The following TRIM2 variants were observed in gnomAD, a reference collection of about 807,000 sequenced individuals.
TRIM2 encodes tripartite motif-containing protein 2.
TRIM2 carries 20 observed loss-of-function variants against 75.2 expected under a neutral mutation model. The ratio of observed to expected loss-of-function variants is 0.27; its 90% CI spans 0.19 to 0.39. TRIM2 has a LOEUF of 0.39. Ranked by LOEUF, TRIM2 falls within the 10% of genes least tolerant of loss-of-function variation. TRIM2 has a pLI of 1.00. For synonymous variants in TRIM2, 373 were observed against 388.3 expected (o/e 0.96, Z 0.46); for missense variants, 660 against 990.8 (o/e 0.67, Z 4.48).
At chr4:153,254,957 G>A (rs10021866) in intron 1 of TRIM2, among the ~76,000 whole-genome samples, 4 of 151,856 alleles carry the variant, frequency 2.6e-5, no homozygotes, top group Admixed American at 1.3e-4. Context: ...GGTATTACTC[G>A]CTGGTCCCAT....
intron 2 of TRIM2, among the ~76,000 whole-genome samples, chr4:153,270,918 A>G (rs1313550001): frequency 1.3e-5 from 2 of 152,228 alleles, no homozygotes; most frequent in Non-Finnish European, 2.9e-5. Context: ...ATCTGCATAC[A>G]TGAGTTGTTA....
chr4:153,229,959 A>C (rs1380614559), intron 1 of TRIM2, among the ~76,000 whole-genome samples: 2 of 152,180 alleles, frequency 1.3e-5, no homozygotes, highest in Non-Finnish European at 2.9e-5. Flanking sequence ...TTAGTCTTCA[A>C]TCTTCCTTAT....
At chr4:153,261,287 G>T (rs1753515463) in intron 1 of TRIM2, among the ~76,000 whole-genome samples, 1 of 152,192 alleles carries the variant, frequency 6.6e-6, no homozygotes, top group African/African-American at 2.4e-5. Context: ...GCTGGTTGTG[G>T]TGGGGTACAC....
intron 1 of TRIM2, among the ~76,000 whole-genome samples, chr4:153,252,891 A>G (rs1393095667): frequency 6.6e-6 from 1 of 152,238 alleles, no homozygotes; most frequent in East Asian, 1.9e-4. Context: ...TAATTCTGAG[A>G]TGAACTTTCA....
upstream of TRIM2, among the ~76,000 whole-genome samples, chr4:153,152,766 G>T (rs924449643): frequency 6.6e-5 from 10 of 152,222 alleles, no homozygotes; most frequent in African/African-American, 2.4e-4. Context: ...ATAGGGACGA[G>T]TGTTGCTGCG....
At chr4:153,267,734 T>TTTCC (rs1031596545) in intron 1 of TRIM2, among the ~76,000 whole-genome samples, 8 of 151,160 alleles carry the variant, frequency 5.3e-5, no homozygotes, top group South Asian at 2.1e-4. Context: ...ACCTCTTTTC[T>TTTCC]TTCCTTCCTT....
At position 153,273,270 on chromosome 4, in the gene TRIM2, C is replaced by CTTTTTTTTT. The variant is rs72414117; in HGVS notation, c.216-2608_216-2600dup. ...ACTCAGTGAGCACCTTACAGTCACTCTTTTTTTTTTTTTTTTTTTTTTTGA... is the reference window on the plus strand; with the variant it reads ...ACTCAGTGAGCACCTTACAGTCACTCTTTTTTTTTTTTTTTTTTTTTTTTTTTTTTTTGA... On this transcript the variant is annotated intron_variant, in intron 2 of 11. Transcript: ENST00000338700. Among the ~76,000 whole-genome samples the CTTTTTTTTT allele has an allele frequency of 6.3e-4, 36 of 57,384 alleles. 3 individuals carry two copies. The highest frequency in any genetic ancestry group is 2.3e-3 in the African/African-American group (33 of 14,306). The allele number at this position is 57,384 out of a possible 152,430, so 37.6% of individuals were successfully genotyped here. A position where few individuals can be genotyped will look rare whatever the true frequency, so the allele number is the denominator to read the frequency against.
intron 8 of TRIM2, among the ~76,000 whole-genome samples, chr4:153,319,395 T>C (rs966090720): frequency 2.0e-5 from 3 of 152,124 alleles, no homozygotes; most frequent in Non-Finnish European, 4.4e-5. Flanking sequence ...ATTTGTTGAG[T>C]TAAATACCCT....
chr4:153,157,470 A>G (rs928715537), intron 1 of TRIM2, among the ~76,000 whole-genome samples: 5 of 152,184 alleles, frequency 3.3e-5, no homozygotes, highest in Admixed American at 2.6e-4. Context: ...AGTAAGATCC[A>G]GCTGTTTGGT....
intron 5 of TRIM2, 89 bp downstream of exon 5, chr4:153,294,574 T>C: frequency 7.5e-7 from 1 of 1,340,832 alleles, no homozygotes. Flanking sequence ...CAAGGGGTCC[T>C]TAAGTGTCAT....
intron 6 of TRIM2, among the ~76,000 whole-genome samples, chr4:153,312,707 G>A (rs552466533): frequency 9.2e-5 from 14 of 152,222 alleles, no homozygotes; most frequent in Admixed American, 4.6e-4. Context: ...CCATTACTGG[G>A]TATATATCCA....
chr4:153,191,458 T>C (rs1733181534), intron 1 of TRIM2, among the ~76,000 whole-genome samples: 1 of 152,248 alleles, frequency 6.6e-6, no homozygotes, highest in Non-Finnish European at 1.5e-5. Context: ...AGTGGATGCT[T>C]AAAAATGCAA....
intron 1 of TRIM2, among the ~76,000 whole-genome samples, chr4:153,266,145 CA>C (rs1437547405): frequency 2.0e-5 from 3 of 152,104 alleles, no homozygotes; most frequent in African/African-American, 7.2e-5. Context: ...AGGTGCTTCA[CA>C]AGGTTCTATA....
At chr4:153,161,552 G>A (rs1161608194) in intron 1 of TRIM2, among the ~76,000 whole-genome samples, 1 of 152,202 alleles carries the variant, frequency 6.6e-6, no homozygotes, top group African/African-American at 2.4e-5. Flanking sequence ...GATATACTCT[G>A]CATATGACAT....
At position 153,284,015 on chromosome 4, in the gene TRIM2, G is replaced by T. The variant is rs192667769; in HGVS notation, c.453+7885G>T. Among the ~76,000 whole-genome samples, 29 of 150,914 alleles carry T rather than the reference G, an allele frequency of 1.9e-4. No homozygotes were observed. The East Asian group carries it at 4.1e-3, about 21-fold the overall frequency. The stretch of plus-strand genomic sequence containing the variant: ...CTCCTGAGTAGCTGGGATTACAGGT[G>T]CATGTCACCATGCCCAGCTAATTTT... On this transcript the variant is annotated intron_variant, in intron 3 of 11. Coordinates refer to ENST00000338700, the MANE Select transcript of TRIM2 (RefSeq NM_015271.5).
intron 1 of TRIM2, among the ~76,000 whole-genome samples, chr4:153,153,978 G>GTT (rs111589318): frequency 6.6e-6 from 1 of 151,906 alleles, no homozygotes; most frequent in African/African-American, 2.4e-5. Context: ...GGGGGGTGTG[G>GTT]TTTTTTTTCC....
At chr4:153,253,129 A>C (rs2149936639) in intron 1 of TRIM2, among the ~76,000 whole-genome samples, 1 of 152,324 alleles carries the variant, frequency 6.6e-6, no homozygotes, top group Non-Finnish European at 1.5e-5. Flanking sequence ...GACTCAGAGA[A>C]TCCTTCCTAA....
rs969580291 is a variant in TRIM2, at chr4:153,264,476, T to C, written c.31-5859T>C. Among the ~76,000 whole-genome samples the C allele has an allele frequency of 5.9e-5, 9 of 152,214 alleles. 1 individual carries two copies. The highest frequency in any genetic ancestry group is 2.0e-4 in the Admixed American group (3 of 15,278). ...TAGAAGAGCAGTTCTATATTCTGAT[T>C]TCTTTCATTATAGTGCACTGACTTC... On this transcript the variant is annotated intron_variant, in intron 1 of 11. Transcript: ENST00000338700.
intron 8 of TRIM2, among the ~76,000 whole-genome samples, chr4:153,318,683 C>T (rs1454994538): frequency 1.3e-5 from 2 of 152,064 alleles, no homozygotes; most frequent in East Asian, 3.9e-4. Flanking sequence ...CTAGCAAAAC[C>T]GTGATCTGTC....
Sources: gnomAD v4.1 joint callset for allele counts (sites outside exome capture counted in the v4.1 genomes callset) on GRCh38, gnomAD v4.1.1 for gene constraint, MANE v1.5 for transcripts, NCBI Gene and HGNC (gene_info 2026-07-23, HGNC 2026-07-21) for gene names.